The following ASIC2 variants were observed in gnomAD, a reference collection of about 807,000 sequenced individuals.
ASIC2 encodes the protein acid sensing ion channel subunit 2, also known as acid-sensing ion channel 2.
A neutral mutation model predicts 57.3 loss-of-function variants in ASIC2; 25 were observed. The ratio of observed to expected loss-of-function variants is 0.44; its 90% confidence interval spans 0.32 to 0.61. The LOEUF is 0.61. Among genes scored for constraint, ASIC2 ranks in the 20% least tolerant of loss-of-function variants. The probability of loss-of-function intolerance (pLI) is 0.06; values close to 1 mark genes in which losing one functional copy is unlikely to be tolerated. For synonymous variants in ASIC2, 319 were observed against 307.5 expected, an observed-to-expected ratio of 1.04 and a Z score of -0.39; for missense variants, 641 against 738.1, an observed-to-expected ratio of 0.87 and a Z score of 1.52.
At chr17:34,123,945 G>A (rs773872173) in intron 1 of ASIC2, among the ~76,000 whole-genome samples, 5 of 152,100 alleles carry the variant, frequency 3.3e-5, no homozygotes, top group African/African-American at 9.7e-5. Context: ...AGCTGGGTGC[G>A]GTGGTGTGCA....
chr17:33,819,430 T>C (rs1409496240), intron 1 of ASIC2, among the ~76,000 whole-genome samples: 2 of 152,218 alleles, frequency 1.3e-5, no homozygotes, highest in African/African-American at 2.4e-5. Context: ...GCTAGGAAAC[T>C]GTGACAAAGG....
intron 1 of ASIC2, among the ~76,000 whole-genome samples, chr17:33,333,778 A>T (rs1187995394): frequency 6.6e-6 from 1 of 152,116 alleles, no homozygotes; most frequent in African/African-American, 2.4e-5. Flanking sequence ...CTCCAAGGGG[A>T]GGAGAAAGGG....
intron 1 of ASIC2, among the ~76,000 whole-genome samples, chr17:33,736,698 A>G (rs1567701503): frequency 1.3e-5 from 2 of 152,322 alleles, no homozygotes; most frequent in East Asian, 3.9e-4. Flanking sequence ...TATTTTTCCT[A>G]TCAATTGTAC....
intron 1 of ASIC2, among the ~76,000 whole-genome samples, chr17:34,045,586 C>T (rs142611676): frequency 4.6e-5 from 7 of 152,252 alleles, no homozygotes; most frequent in South Asian, 2.1e-4. Context: ...ATATGACTTT[C>T]GGCAAGTTAC....
chr17:34,024,342 A>G (rs139475576), intron 1 of ASIC2, among the ~76,000 whole-genome samples: 129 of 152,344 alleles, frequency 8.5e-4, no homozygotes, highest in African/African-American at 3.1e-3. Context: ...AGATCCCCCA[A>G]CACATGCACA....
chr17:33,952,648 C>T lies in ASIC2; in HGVS notation c.555+203330G>A, dbSNP rs1182409235. Among the ~76,000 whole-genome samples the T allele has an allele frequency of 2.0e-5, 3 of 152,248 alleles. No homozygotes were observed. The East Asian group carries it at 5.8e-4, about 29-fold the overall frequency. On this transcript the variant is annotated intron_variant, in intron 1 of 9. Coordinates refer to the ASIC2 transcript ENST00000359872. Reference sequence around the variant, plus strand: ...AGTCATGTGAGATAACATACTTACTCTGAGTCATTACAATTTGGGCTTTTA... The same window carrying T: ...AGTCATGTGAGATAACATACTTACTTTGAGTCATTACAATTTGGGCTTTTA...
chr17:33,640,858 G>A (rs1314154176), intron 1 of ASIC2, among the ~76,000 whole-genome samples: 1 of 152,158 alleles, frequency 6.6e-6, no homozygotes, highest in Non-Finnish European at 1.5e-5. Context: ...GCTGAGAGCA[G>A]GAATCCCCAT....
At chr17:33,716,872 C>T (rs1474403661) in intron 1 of ASIC2, among the ~76,000 whole-genome samples, 1 of 152,192 alleles carries the variant, frequency 6.6e-6, no homozygotes, top group African/African-American at 2.4e-5. Flanking sequence ...CGCTCTGACT[C>T]TCTAACCTAA....
At chr17:34,027,522 G>C (rs76157945) in intron 1 of ASIC2, among the ~76,000 whole-genome samples, 1 of 152,070 alleles carries the variant, frequency 6.6e-6, no homozygotes, top group Non-Finnish European at 1.5e-5. Flanking sequence ...AAACCAACCT[G>C]AGCACTTTAT....
chr17:33,754,226 T>C (rs1017376968), intron 1 of ASIC2, among the ~76,000 whole-genome samples: 2 of 152,102 alleles, frequency 1.3e-5, no homozygotes, highest in Non-Finnish European at 2.9e-5. Flanking sequence ...TCAGCCCATC[T>C]TCAGATTCTG....
At chr17:33,179,396 C>T (rs1219177142) in intron 1 of ASIC2, among the ~76,000 whole-genome samples, 4 of 152,194 alleles carry the variant, frequency 2.6e-5, no homozygotes, top group Non-Finnish European at 5.9e-5. Flanking sequence ...AAATTACTGT[C>T]AGTCAGCCGG....
intron 1 of ASIC2, among the ~76,000 whole-genome samples, chr17:34,107,781 G>GAAATATAA (rs2142107091): frequency 6.6e-6 from 1 of 152,108 alleles, no homozygotes; most frequent in East Asian, 1.9e-4. Flanking sequence ...AGGTTCATTT[G>GAAATATAA]TCAGTTTGCT....
chr17:33,881,106 T>C (rs892559090), intron 1 of ASIC2, among the ~76,000 whole-genome samples: 1 of 152,218 alleles, frequency 6.6e-6, no homozygotes, highest in African/African-American at 2.4e-5. Context: ...TGATAGGACG[T>C]ATCTCTAAAT....
In ASIC2 at chr17:33,289,706, C is replaced by G. The variant is rs375530591; in HGVS notation, c.708+1702G>C. Among the ~76,000 whole-genome samples, 149 of 152,306 alleles carry G rather than the reference C, an allele frequency of 9.8e-4. 1 individual carries two copies. The highest frequency in any genetic ancestry group is 3.6e-3 in the African/African-American group (148 of 41,556). On this transcript the variant is annotated intron_variant, in intron 1 of 9. Coordinates refer to ENST00000225823, the MANE Select transcript of ASIC2 (RefSeq NM_183377.2). ...AAAATGGGAATAAAACTCATTAACG[C>G]AGGGCTGCGGTGAGTATCAAAAGTG...
intron 1 of ASIC2, among the ~76,000 whole-genome samples, chr17:34,095,750 T>C (rs1412643954): frequency 6.9e-6 from 1 of 145,922 alleles, no homozygotes. Flanking sequence ...TTTATATATA[T>C]ATATATAGTT....
At chr17:33,126,440 C>T (rs2092323430) in intron 1 of ASIC2, among the ~76,000 whole-genome samples, 1 of 152,168 alleles carries the variant, frequency 6.6e-6, no homozygotes. Context: ...GCCACACCTG[C>T]CTCACAGAGT....
rs568148534 is a variant in ASIC2, at chr17:33,283,815, G to A, written c.708+7593C>T. On this transcript the variant is annotated intron_variant, in intron 1 of 9. Coordinates refer to ENST00000225823, the MANE Select transcript of ASIC2 (RefSeq NM_183377.2). ...AACGTACATTATCACATCCTATCCAGGTATAATAAATTAAGCTTCTGCTGA... is the reference window on the plus strand; with the variant it reads ...AACGTACATTATCACATCCTATCCAAGTATAATAAATTAAGCTTCTGCTGA... 2.6e-5 allele frequency among the ~76,000 whole-genome samples: 4 copies of A among 152,212 alleles called. No homozygotes were observed. In the South Asian group the frequency reaches 8.3e-4, roughly 32 times the overall value.
At chr17:33,283,520 T>G (rs1905040229) in intron 1 of ASIC2, among the ~76,000 whole-genome samples, 1 of 152,194 alleles carries the variant, frequency 6.6e-6, no homozygotes, top group Non-Finnish European at 1.5e-5. Context: ...GTGCAACAGT[T>G]TAGTACCAGT....
chr17:33,078,726 C>A (rs1180229063), intron 3 of ASIC2, among the ~76,000 whole-genome samples: 1 of 152,212 alleles, frequency 6.6e-6, no homozygotes, highest in African/African-American at 2.4e-5. Context: ...CCACACCCAG[C>A]CAGCTATAGC....
Sources: gnomAD v4.1 joint callset for allele counts (sites outside exome capture counted in the v4.1 genomes callset) on GRCh38, gnomAD v4.1.1 for gene constraint, MANE v1.5 for transcripts, NCBI Gene and HGNC (gene_info 2026-07-23, HGNC 2026-07-21) for gene names.